The following CNTN1 variants were observed in gnomAD, a reference collection of about 807,000 sequenced individuals.
The protein encoded by CNTN1 is contactin-1.
In CNTN1, 38 loss-of-function variants were observed where a neutral mutation model predicts 126.4. That is an observed-to-expected ratio of 0.30 (90% CI 0.23 to 0.39). CNTN1 has a LOEUF of 0.39. Ranked by LOEUF, CNTN1 falls within the 10% of genes least tolerant of loss-of-function variation. CNTN1 has a pLI of 1.00. For synonymous variants in CNTN1, 413 were observed against 422.6 expected (o/e 0.98, Z 0.28); for missense variants, 1,009 against 1,248.4 (o/e 0.81, Z 2.89).
chr12:41,020,462 C>G, intron 20 of CNTN1, 22 bp downstream of exon 20: 4 of 1,407,358 alleles, frequency 2.8e-6, no homozygotes, highest in South Asian at 1.2e-5. Context: ...TTTTATCAAA[C>G]TAAATACATT....
chr12:40,914,128 C>T (rs988064840), intron 3 of CNTN1, among the ~76,000 whole-genome samples: 4 of 152,020 alleles, frequency 2.6e-5, no homozygotes, highest in Admixed American at 1.3e-4. Context: ...GCCTTTTAAC[C>T]TCATAATACT....
intron 4 of CNTN1, among the ~76,000 whole-genome samples, chr12:40,919,774 A>T (rs1002222374): frequency 6.6e-6 from 1 of 152,164 alleles, no homozygotes; most frequent in Admixed American, 6.6e-5. Flanking sequence ...TCCCATTGAA[A>T]TTATTTTTAT....
chr12:40,909,008 G>A (rs1565926222), intron 2 of CNTN1, among the ~76,000 whole-genome samples: 2 of 151,850 alleles, frequency 1.3e-5, no homozygotes. Context: ...TTTAATACTG[G>A]CCATGTTTAA....
rs1430703736 is a variant in CNTN1, at chr12:41,019,079, C to CT, written c.2420-1257dup. Among the ~76,000 whole-genome samples the CT allele has an allele frequency of 2.6e-5, 4 of 152,242 alleles. No individual in the cohort carries two copies. In the East Asian group the frequency reaches 7.7e-4, roughly 29 times the overall value. Reference sequence around the variant, plus strand: ...GCTGAGGCAGGAGAATCACTTGAACCTGGGAGGTGGAGGTTGTGGTGAACC... The same window carrying CT: ...GCTGAGGCAGGAGAATCACTTGAACCTTGGGAGGTGGAGGTTGTGGTGAACC... On this transcript the variant is annotated intron_variant, in intron 19 of 23. Transcript: ENST00000551295.
chr12:40,813,101 CT>C (rs1300261620), intron 1 of CNTN1, among the ~76,000 whole-genome samples: 71 of 113,156 alleles, frequency 6.3e-4, no homozygotes, highest in African/African-American at 1.3e-3. Context: ...CTTTCTCTTT[CT>C]TTTTTTCTTT....
In CNTN1 at chr12:40,692,583, C is replaced by A. The variant is rs531582962; in HGVS notation, c.-86C>A. On this transcript the variant is annotated 5_prime_UTR_variant, in exon 1 of 24. Coordinates refer to ENST00000551295, the MANE Select transcript of CNTN1 (RefSeq NM_001843.4). ...TGTGCCGCACCGAGGCGAGCAGGAG[C>A]AGGGAACAGGTAGGAAGCTGGACTT... The A allele has an allele frequency of 8.5e-5, 13 of 152,606 alleles. No homozygotes were observed. The highest frequency in any genetic ancestry group is 3.1e-4 in the African/African-American group (13 of 41,598). 9.5% of individuals were successfully genotyped at this position (152,606 alleles called of 1,614,324 possible). A position where few individuals can be genotyped will look rare whatever the true frequency, so the allele number is the denominator to read the frequency against.
At chr12:40,702,185 C>A (rs1309939861) in intron 1 of CNTN1, among the ~76,000 whole-genome samples, 3 of 151,704 alleles carry the variant, frequency 2.0e-5, no homozygotes, top group African/African-American at 7.3e-5. Flanking sequence ...ATCCTCCCTG[C>A]TCAGCCTCCC....
intron 1 of CNTN1, among the ~76,000 whole-genome samples, chr12:40,767,709 C>T (rs1342735397): frequency 6.6e-6 from 1 of 152,054 alleles, no homozygotes; most frequent in Non-Finnish European, 1.5e-5. Context: ...TCTCGGCTCA[C>T]TGCAAGCTCC....
At chr12:41,036,626 T>C (rs1483577113) in intron 23 of CNTN1, among the ~76,000 whole-genome samples, 2 of 152,160 alleles carry the variant, frequency 1.3e-5, no homozygotes, top group East Asian at 3.9e-4. Flanking sequence ...ATTCAGAAAA[T>C]AGTGATTAAT....
At chr12:40,799,495 C>T (rs1220661546) in intron 1 of CNTN1, among the ~76,000 whole-genome samples, 2 of 151,892 alleles carry the variant, frequency 1.3e-5, no homozygotes, top group Non-Finnish European at 2.9e-5. Context: ...TAAAATGTGT[C>T]CCATTTTTTG....
chr12:40,853,241 C>T (rs1942782293), intron 1 of CNTN1, among the ~76,000 whole-genome samples: 1 of 151,800 alleles, frequency 6.6e-6, no homozygotes, highest in African/African-American at 2.4e-5. Flanking sequence ...AACCATTGAC[C>T]CTAAGAGCAA....
At chr12:40,712,026 T>C (rs939967173) in intron 1 of CNTN1, among the ~76,000 whole-genome samples, 23 of 152,120 alleles carry the variant, frequency 1.5e-4, no homozygotes, top group Non-Finnish European at 7.4e-5. Context: ...AGCCCCAAAT[T>C]TCTTTAAACA....
intron 16 of CNTN1, among the ~76,000 whole-genome samples, chr12:40,982,279 T>C (rs947785164): frequency 6.6e-6 from 1 of 152,170 alleles, no homozygotes; most frequent in African/African-American, 2.4e-5. Context: ...TCAGATCATC[T>C]GAAAAATAAT....
At chr12:40,795,316 CACAT>C (rs1295773659) in intron 1 of CNTN1, among the ~76,000 whole-genome samples, 1 of 7,744 alleles carries the variant, frequency 1.3e-4, no homozygotes, top group African/African-American at 2.9e-4. Context: ...CACACACACA[CACAT>C]TTTTTTTTTT....
chr12:41,006,395 G>C (rs146371547), intron 17 of CNTN1, among the ~76,000 whole-genome samples: 1,963 of 152,310 alleles, frequency 0.013, 34 homozygotes, highest in African/African-American at 0.043. Flanking sequence ...ACAGCTGGCA[G>C]GCAGGAGCAG....
intron 1 of CNTN1, among the ~76,000 whole-genome samples, chr12:40,822,746 T>G (rs1941492687): frequency 6.6e-6 from 1 of 152,198 alleles, no homozygotes; most frequent in Non-Finnish European, 1.5e-5. Flanking sequence ...CATCTTCTTT[T>G]TTCTTCCAAA....
chr12:40,849,878 C>T (rs1010106137), intron 1 of CNTN1, among the ~76,000 whole-genome samples: 2 of 151,906 alleles, frequency 1.3e-5, no homozygotes, highest in South Asian at 4.1e-4. Flanking sequence ...ATATATGGTA[C>T]ATACAGTATA....
chr12:40,715,457 AT>A (rs1423990664), intron 1 of CNTN1, among the ~76,000 whole-genome samples: 2 of 152,104 alleles, frequency 1.3e-5, no homozygotes, highest in African/African-American at 2.4e-5. Context: ...AACATTACTA[AT>A]TTTTTTTATT....
chr12:40,853,675 C>A (rs765230607), intron 1 of CNTN1, among the ~76,000 whole-genome samples: 1 of 151,212 alleles, frequency 6.6e-6, no homozygotes, highest in Non-Finnish European at 1.5e-5. Context: ...TTTTTTTTCC[C>A]CCTATAGACT....
Sources: allele counts gnomAD v4.1 joint callset (sites outside exome capture counted in the v4.1 genomes callset), GRCh38; gene constraint gnomAD v4.1.1; transcripts MANE v1.5; gene names NCBI Gene and HGNC (gene_info 2026-07-23, HGNC 2026-07-21).